The following CNGA1 variants were observed in gnomAD, a reference collection of about 807,000 sequenced individuals.
CNGA1 encodes cyclic nucleotide gated channel subunit alpha 1.
Under a neutral mutation model 69.7 loss-of-function variants are expected in CNGA1, and 53 were observed. The ratio of observed to expected loss-of-function variants is 0.76; its 90% CI spans 0.61 to 0.96. CNGA1 has a LOEUF of 0.96. Ranked by LOEUF, CNGA1 falls within the 40% of genes least tolerant of loss-of-function variation. CNGA1 has a pLI of 0.00. For synonymous variants in CNGA1, 249 were observed against 283.5 expected (o/e 0.88, Z 1.22); for missense variants, 739 against 811.2 (o/e 0.91, Z 1.08).
At chr4:48,005,617 G>A (rs1195650607) in intron 2 of CNGA1, among the ~76,000 whole-genome samples, 1 of 152,080 alleles carries the variant, frequency 6.6e-6, no homozygotes, top group African/African-American at 2.4e-5. Flanking sequence ...TCCTGTTGAG[G>A]TTCCAAGATA....
chr4:47,973,143 C>T (rs1353290339), intron 3 of CNGA1, among the ~76,000 whole-genome samples: 2 of 148,446 alleles, frequency 1.3e-5, no homozygotes, highest in East Asian at 4.0e-4. Flanking sequence ...TCTCAGCTCA[C>T]TGCAACCTCC....
chr4:47,945,719 T>C (rs1190375890), intron 6 of CNGA1, among the ~76,000 whole-genome samples: 1 of 152,154 alleles, frequency 6.6e-6, no homozygotes, highest in Non-Finnish European at 1.5e-5. Context: ...TTCCTGAATA[T>C]AAAAGAGAAA....
Position 47,937,836 on chromosome 4 carries a change from T to C in CNGA1, c.653-7A>G. The C allele has an allele frequency of 3.1e-6, 5 of 1,593,192 alleles. No individual in the cohort carries two copies. The highest frequency in any genetic ancestry group is 1.7e-5 in the Admixed American group (1 of 59,930). ...AGTCCTTGTTCTAGGTAACCTAAAA[T>C]AGAAAATAAAATCAATTCAGTGTTT... On this transcript the variant is annotated splice_region_variant and splice_polypyrimidine_tract_variant and intron_variant, in intron 10 of 10. Coordinates refer to ENST00000514170, the MANE Select transcript of CNGA1 (RefSeq NM_001379270.1).
chr4:47,951,361 T>G lies in CNGA1; in HGVS notation c.216A>C (p.Pro72=). Residue 72 remains proline (P), a synonymous_variant, in exon 5 of 11, where the codon CCA becomes CCC. Transcript: ENST00000514170. ...TGGATCATACTGCTCACCTCTGTGA[T>G]GGTCCTCCCTTTCTGAGTGACTTAT... The part of the protein sequence containing the change: ...FSYKSLRKGG[P]SQREQYLPGA... 1 of 1,598,872 alleles carries G rather than the reference T, an allele frequency of 6.3e-7. No homozygotes were observed. Among genetic ancestry groups the G allele is most frequent in the Non-Finnish European group, 8.6e-7 (1 of 1,166,262 alleles).
chr4:47,946,853 C>T (rs959889548), intron 6 of CNGA1, among the ~76,000 whole-genome samples: 4 of 152,042 alleles, frequency 2.6e-5, no homozygotes, highest in Non-Finnish European at 1.5e-5. Context: ...GGCACAATCT[C>T]GGCTCACTGC....
At chr4:48,012,149 T>A (rs1253861780) in intron 1 of CNGA1, among the ~76,000 whole-genome samples, 2 of 152,118 alleles carry the variant, frequency 1.3e-5, no homozygotes, top group African/African-American at 4.8e-5. Flanking sequence ...AGTTGGAAAA[T>A]AACTCATGAT....
chr4:47,999,099 G>C (rs1714539344), intron 2 of CNGA1, among the ~76,000 whole-genome samples: 1 of 152,032 alleles, frequency 6.6e-6, no homozygotes, highest in African/African-American at 2.4e-5. Context: ...GGTGAATATA[G>C]TATAAGATGT....
chr4:48,004,122 C>T (rs565746953), intron 2 of CNGA1, among the ~76,000 whole-genome samples: 3 of 152,292 alleles, frequency 2.0e-5, no homozygotes, highest in Admixed American at 2.0e-4. Flanking sequence ...CTCTGAGAAG[C>T]AGAAATAATA....
chr4:47,966,202 T>G lies in CNGA1; in HGVS notation c.-14-13499A>C, dbSNP rs555198753. 3.9e-5 allele frequency among the ~76,000 whole-genome samples: 6 copies of G among 152,338 alleles called. No individual in the cohort carries two copies. In the East Asian group the frequency reaches 1.2e-3, roughly 29 times the overall value. On this transcript the variant is annotated intron_variant, in intron 3 of 10. Transcript: ENST00000514170. ...TACATGGAACAGTATATTCTACTGATTGAAGTCATGCTCTAGCTTGGGTTC... is the reference window on the plus strand; with the variant it reads ...TACATGGAACAGTATATTCTACTGAGTGAAGTCATGCTCTAGCTTGGGTTC...
chr4:47,954,942 A>G (rs940328649), intron 3 of CNGA1, among the ~76,000 whole-genome samples: 1 of 152,218 alleles, frequency 6.6e-6, no homozygotes, highest in Non-Finnish European at 1.5e-5. Flanking sequence ...CAGGGCTGCT[A>G]TGTAAAGGTA....
chr4:47,959,496 T>C (rs917400346), intron 3 of CNGA1, among the ~76,000 whole-genome samples: 2 of 152,134 alleles, frequency 1.3e-5, no homozygotes, highest in Non-Finnish European at 2.9e-5. Flanking sequence ...ATCACAGACC[T>C]AAACACAAAA....
chr4:47,950,922 G>A (rs1272058434), intron 5 of CNGA1, among the ~76,000 whole-genome samples: 7 of 152,168 alleles, frequency 4.6e-5, no homozygotes, highest in Non-Finnish European at 8.8e-5. Flanking sequence ...CTTGCTTCAG[G>A]ACCCTGAAAG....
At chr4:47,998,720 G>C (rs1209798681) in intron 2 of CNGA1, among the ~76,000 whole-genome samples, 1 of 152,194 alleles carries the variant, frequency 6.6e-6, no homozygotes, top group Non-Finnish European at 1.5e-5. Context: ...GGAAGTTGCA[G>C]TGAGCAGAGA....
At chr4:47,970,261 A>G (rs1740943463) in intron 3 of CNGA1, among the ~76,000 whole-genome samples, 1 of 152,158 alleles carries the variant, frequency 6.6e-6, no homozygotes, top group African/African-American at 2.4e-5. Context: ...TTAACGTTGA[A>G]GAACACAGCC....
chr4:47,938,980 A>G (rs1307001229), intron 10 of CNGA1, among the ~76,000 whole-genome samples: 1 of 138,856 alleles, frequency 7.2e-6, no homozygotes, highest in Non-Finnish European at 1.5e-5. Flanking sequence ...AAGAAAGAAA[A>G]GAAAGAAAGA....
chr4:47,996,454 TG>T, intron 2 of CNGA1, among the ~76,000 whole-genome samples: 1 of 152,346 alleles, frequency 6.6e-6, no homozygotes, highest in Admixed American at 6.5e-5. Context: ...TGAACCTTGT[TG>T]TTGCCATTTT....
chr4:47,979,245 C>T (rs1398978648), intron 3 of CNGA1, among the ~76,000 whole-genome samples: 1 of 147,744 alleles, frequency 6.8e-6, no homozygotes, highest in Admixed American at 7.0e-5. Context: ...CGCTTGAGCC[C>T]AAGAGGCGGA....
intron 2 of CNGA1, among the ~76,000 whole-genome samples, chr4:47,992,279 G>C (rs1742301278): frequency 6.6e-6 from 1 of 152,106 alleles, no homozygotes; most frequent in Non-Finnish European, 1.5e-5. Context: ...TCACAATATT[G>C]ATTCTACCCA....
intron 3 of CNGA1, among the ~76,000 whole-genome samples, chr4:47,973,162 G>A (rs933632288): frequency 2.4e-4 from 34 of 142,458 alleles, no homozygotes; most frequent in South Asian, 4.4e-4. Flanking sequence ...CCACCTCCCC[G>A]GTTCAAGCAA....
Sources: gnomAD v4.1 joint callset for allele counts (sites outside exome capture counted in the v4.1 genomes callset) on GRCh38, gnomAD v4.1.1 for gene constraint, MANE v1.5 for transcripts, NCBI Gene and HGNC (gene_info 2026-07-23, HGNC 2026-07-21) for gene names.